NCOA2: variants seen among roughly 807,000 people sequenced by gnomAD.
NCOA2 encodes class E basic helix-loop-helix protein 75.
In NCOA2, 21 loss-of-function variants were observed where a neutral mutation model predicts 145.1. That is an observed-to-expected ratio of 0.14 (90% CI 0.10 to 0.21). NCOA2 has a LOEUF of 0.21. Among genes scored for constraint, NCOA2 ranks in the 10% least tolerant of loss-of-function variants. NCOA2 has a pLI of 1.00. For synonymous variants in NCOA2, 619 were observed against 637.5 expected, an observed-to-expected ratio of 0.97 and a Z score of 0.44; for missense variants, 1,472 against 1,837.6, an observed-to-expected ratio of 0.80 and a Z score of 3.64.
intron 2 of NCOA2, chr8:70,273,801 G>C (rs1164320337): frequency 1.7e-5 from 10 of 577,846 alleles, no homozygotes; most frequent in Non-Finnish European, 1.3e-5. Context: ...TCCAGATCTT[G>C]TGGAGAATTT....
the NCOA2 span, among the ~76,000 whole-genome samples, chr8:70,441,741 C>A: frequency 3.4e-4 from 35 of 103,722 alleles, no homozygotes; most frequent in East Asian, 8.2e-4. Flanking sequence ...GAGAAAGAAA[C>A]AGGAAAGAGA....
At chr8:70,174,886 A>C in intron 4 of NCOA2, 27 bp from the exon 5 acceptor site, 1 of 1,585,002 alleles carries the variant, frequency 6.3e-7, no homozygotes, top group Non-Finnish European at 8.7e-7. Context: ...TGTGAATTAA[A>C]TGGCAGTGCT....
intron 1 of NCOA2, among the ~76,000 whole-genome samples, chr8:70,388,605 C>A (rs1214795138): frequency 6.6e-6 from 1 of 152,112 alleles, no homozygotes. Context: ...AGGAACATTT[C>A]TTTTTTAATC....
chr8:70,293,798 T>A (rs1427257375), intron 2 of NCOA2, among the ~76,000 whole-genome samples: 4 of 152,186 alleles, frequency 2.6e-5, no homozygotes, highest in African/African-American at 4.8e-5. Context: ...ATGCTTAAAA[T>A]GTGAGACTAG....
At chr8:70,311,646 T>C (rs1380643857) in intron 1 of NCOA2, among the ~76,000 whole-genome samples, 1 of 152,226 alleles carries the variant, frequency 6.6e-6, no homozygotes, top group Non-Finnish European at 1.5e-5. Context: ...CTCATTGTTC[T>C]CTTCTAGACT....
At chr8:70,213,037 A>G (rs1278954497) in intron 4 of NCOA2, among the ~76,000 whole-genome samples, 1 of 150,634 alleles carries the variant, frequency 6.6e-6, no homozygotes, top group Non-Finnish European at 1.5e-5. Flanking sequence ...TGAGTTGAGG[A>G]TCACACCACT....
chr8:70,361,362 T>C (rs1347975339), intron 1 of NCOA2, among the ~76,000 whole-genome samples: 1 of 151,978 alleles, frequency 6.6e-6, no homozygotes, highest in Admixed American at 6.6e-5. Context: ...CCAGGCGTGA[T>C]TGTGGGTGCC....
chr8:70,200,867 G>A (rs1817806057), intron 4 of NCOA2, among the ~76,000 whole-genome samples: 1 of 151,908 alleles, frequency 6.6e-6, no homozygotes, highest in African/African-American at 2.4e-5. Flanking sequence ...AGGCCAACCT[G>A]TGCAACATAG....
At chr8:70,337,195 TGAG>T (rs965967511) in intron 1 of NCOA2, among the ~76,000 whole-genome samples, 6 of 138,750 alleles carry the variant, frequency 4.3e-5, no homozygotes, top group Non-Finnish European at 7.4e-5. Context: ...CCAGCACTGC[TGAG>T]GAGTGTGTGT....
At chr8:70,361,415 G>T (rs917843173) in intron 1 of NCOA2, among the ~76,000 whole-genome samples, 7 of 151,508 alleles carry the variant, frequency 4.6e-5, no homozygotes, top group Admixed American at 2.6e-4. Context: ...AGAATCACTT[G>T]AACCCAGGAG....
At chr8:70,358,083 AC>A (rs910442416) in intron 1 of NCOA2, among the ~76,000 whole-genome samples, 5 of 152,024 alleles carry the variant, frequency 3.3e-5, no homozygotes, top group African/African-American at 4.8e-5. Flanking sequence ...AACAAAAAAA[AC>A]CCTACAAAAC....
intron 2 of NCOA2, among the ~76,000 whole-genome samples, chr8:70,258,181 T>C (rs1823807772): frequency 6.6e-6 from 1 of 152,168 alleles, no homozygotes; most frequent in African/African-American, 2.4e-5. Context: ...CCTCCCAAAG[T>C]GCTGGGATTA....
In NCOA2 at chr8:70,148,291, G is replaced by C; in HGVS notation, c.2587C>G (p.Leu863Val). 3 of 1,613,956 alleles carry C rather than the reference G, an allele frequency of 1.9e-6. No individual in the cohort carries two copies. The South Asian group carries it at 3.3e-5, about 18-fold the overall frequency. ...VTPVGAQKTALRISQSTFNNP... is the reference protein window; with the variant it reads ...VTPVGAQKTAVRISQSTFNNP... ...TACTCACTGCTCTGTGAAATTCGCA[G>C]TGCTGTTTTCTGGGCTCCAACAGGT... The change falls in exon 12 of 23, where the codon CTG becomes GTG. Residue 863 changes from leucine to valine, a missense_variant. By Grantham distance (32) the Leu-to-Val change is conservative. Around this residue, in one of 4 missense-constraint regions of NCOA2, gnomAD observed 953 missense variants for 1,062.1 expected, o/e 0.90. Transcript: ENST00000452400.
intron 4 of NCOA2, among the ~76,000 whole-genome samples, chr8:70,202,389 C>T (rs922256901): frequency 9.2e-5 from 14 of 152,114 alleles, no homozygotes; most frequent in African/African-American, 3.1e-4. Flanking sequence ...ATTTGCATCC[C>T]CATGTTAATT....
intron 4 of NCOA2, among the ~76,000 whole-genome samples, chr8:70,208,049 G>A (rs1257447499): frequency 2.0e-5 from 3 of 151,856 alleles, no homozygotes; most frequent in Non-Finnish European, 4.4e-5. Context: ...TTAAGAGTTC[G>A]AGACCAGCCT....
chr8:70,390,924 C>A (rs1388881726), intron 1 of NCOA2, among the ~76,000 whole-genome samples: 1 of 152,152 alleles, frequency 6.6e-6, no homozygotes, highest in Non-Finnish European at 1.5e-5. Flanking sequence ...ATGATTTTTA[C>A]ATTTATGGTC....
chr8:70,422,086 C>T, the NCOA2 span, among the ~76,000 whole-genome samples: 1 of 151,358 alleles, frequency 6.6e-6, no homozygotes, highest in Non-Finnish European at 1.5e-5. Context: ...CCGAGCAAGA[C>T]TCCGGTCTCG....
chr8:70,235,841 C>T (rs1427549506), intron 2 of NCOA2, among the ~76,000 whole-genome samples: 4 of 152,146 alleles, frequency 2.6e-5, no homozygotes, highest in Non-Finnish European at 5.9e-5. Context: ...GAGACCTTGT[C>T]TCAAAAAACA....
rs1002736922 is a variant in NCOA2, at chr8:70,148,433, A to G, written c.2445T>C (p.Asn815=). 3.7e-6 allele frequency: 6 copies of G among 1,613,844 alleles called. No individual in the cohort carries two copies. The highest frequency in any genetic ancestry group is 1.1e-5 in the South Asian group (1 of 91,074). The change falls in exon 12 of 23, where the codon AAT becomes AAC. Residue 815 remains asparagine, a synonymous_variant. Transcript: ENST00000452400. ...CTGGGAAAAGCTGTGGTAATTGACT[A>G]TTCTGCAAATCATCCAAAATCTCCT... ...NLEEILDDLQ[N]SQLPQLFPDT...
Sources: allele counts gnomAD v4.1 joint callset (sites outside exome capture counted in the v4.1 genomes callset), GRCh38; gene constraint gnomAD v4.1.1; regional missense constraint gnomAD v4.1.1; transcripts MANE v1.5; gene names NCBI Gene and HGNC (gene_info 2026-07-23, HGNC 2026-07-21).